The following RUNX2 variants were observed in gnomAD, a reference collection of about 807,000 sequenced individuals.
RUNX2 encodes RUNX family transcription factor 2.
Under a neutral mutation model 51.7 loss-of-function variants are expected in RUNX2, and 10 were observed. The ratio of observed to expected loss-of-function variants is 0.19; its 90% CI spans 0.12 to 0.33. The LOEUF (loss-of-function observed/expected upper bound fraction) is 0.33. Among genes scored for constraint, RUNX2 ranks in the 10% least tolerant of loss-of-function variants. RUNX2 has a pLI of 1.00. For missense variants in RUNX2, 562 were observed against 691.3 expected (o/e 0.81, Z 2.10); for synonymous variants, 276 against 273.6 (o/e 1.01, Z -0.09).
At chr6:45,482,411 G>A (rs1157326785) in intron 5 of RUNX2, among the ~76,000 whole-genome samples, 2 of 152,122 alleles carry the variant, frequency 1.3e-5, no homozygotes, top group Non-Finnish European at 2.9e-5. Flanking sequence ...GTTGTGATTC[G>A]CCACAGCCTA....
intron 2 of RUNX2, among the ~76,000 whole-genome samples, chr6:45,338,808 G>A (rs1020375343): frequency 6.6e-6 from 1 of 151,972 alleles, no homozygotes; most frequent in African/African-American, 2.4e-5. Flanking sequence ...GATGAGACAA[G>A]GGAGGCATCC....
intron 3 of RUNX2, among the ~76,000 whole-genome samples, chr6:45,429,337 T>G (rs528602420): frequency 6.6e-6 from 1 of 152,342 alleles, no homozygotes; most frequent in South Asian, 2.1e-4. Flanking sequence ...AAATACAATA[T>G]GCTGAGTGTA....
In RUNX2 at chr6:45,425,459, T is replaced by C. The variant is rs571154703; in HGVS notation, c.423+2502T>C. 1.1e-4 allele frequency among the ~76,000 whole-genome samples: 16 copies of C among 152,356 alleles called. No homozygotes were observed. In the East Asian group the frequency reaches 3.1e-3, roughly 29 times the overall value. On this transcript the variant is annotated intron_variant, in intron 3 of 8. Coordinates refer to ENST00000647337, the MANE Select transcript of RUNX2 (RefSeq NM_001024630.4). ...TGTATCTTAAGCAGTAAACAGACCG[T>C]AGGTAACAAGACCATATTAAATTGA...
At chr6:45,335,721 A>G (rs1182464192) in intron 2 of RUNX2, among the ~76,000 whole-genome samples, 4 of 151,282 alleles carry the variant, frequency 2.6e-5, no homozygotes, top group Admixed American at 2.0e-4. Context: ...CAATTCAAAA[A>G]TATTAAGACA....
chr6:45,535,587 GA>G (rs1802006213), intron 7 of RUNX2, among the ~76,000 whole-genome samples: 1 of 148,116 alleles, frequency 6.8e-6, no homozygotes, highest in Admixed American at 6.7e-5. Flanking sequence ...CTGGGCAACA[GA>G]GTGAGACTCT....
chr6:45,527,013 G>A (rs1270134706), intron 7 of RUNX2, among the ~76,000 whole-genome samples: 1 of 152,192 alleles, frequency 6.6e-6, no homozygotes, highest in Non-Finnish European at 1.5e-5. Context: ...CTAGGGATAT[G>A]TACTATGAAA....
intron 2 of RUNX2, among the ~76,000 whole-genome samples, chr6:45,334,449 C>CAAAAAAAAAAAA (rs551014969): frequency 5.4e-5 from 5 of 91,748 alleles, no homozygotes; most frequent in Admixed American, 2.3e-4. Context: ...TCAGGAAAAG[C>CAAAAAAAAAAAA]AAAAAAAAAA....
At chr6:45,411,781 T>C (rs551936368) in intron 2 of RUNX2, among the ~76,000 whole-genome samples, 2 of 152,224 alleles carry the variant, frequency 1.3e-5, no homozygotes, top group South Asian at 2.1e-4. Flanking sequence ...ATAATTTCCT[T>C]CAGTAAGGGT....
At chr6:45,334,114 C>A (rs116482918) in intron 2 of RUNX2, among the ~76,000 whole-genome samples, 2,648 of 151,234 alleles carry the variant, frequency 0.018, 50 homozygotes, top group South Asian at 0.085. Flanking sequence ...ATTGCCAATT[C>A]TCTTAATTAT....
At chr6:45,356,879 A>G (rs1370511067) in intron 2 of RUNX2, among the ~76,000 whole-genome samples, 1 of 152,226 alleles carries the variant, frequency 6.6e-6, no homozygotes, top group Non-Finnish European at 1.5e-5. Flanking sequence ...TTCTAAAATT[A>G]CACTCACCTT....
In RUNX2 at chr6:45,472,805, A is replaced by T. The variant is rs984621552; in HGVS notation, c.686-19136A>T. Among the ~76,000 whole-genome samples the T allele has an allele frequency of 5.3e-5, 8 of 152,298 alleles. No homozygotes were observed. In the South Asian group the frequency reaches 6.2e-4, roughly 12 times the overall value. ...ATTTTTTTTGCTTGTTTCTGTATTG[A>T]TTCAAAGAGAGGTGGGTGGGTATTA... On this transcript the variant is annotated intron_variant, in intron 5 of 8. Coordinates refer to ENST00000647337, the MANE Select transcript of RUNX2 (RefSeq NM_001024630.4).
intron 2 of RUNX2, among the ~76,000 whole-genome samples, chr6:45,350,577 G>C (rs541079617): frequency 6.6e-6 from 1 of 152,280 alleles, no homozygotes; most frequent in East Asian, 1.9e-4. Context: ...TAAATGTTGA[G>C]AGTAGAAATG....
chr6:45,467,211 C>G (rs1486466280), intron 5 of RUNX2, among the ~76,000 whole-genome samples: 1 of 152,212 alleles, frequency 6.6e-6, no homozygotes, highest in Admixed American at 6.5e-5. Context: ...TCTTCCATAT[C>G]ATATTCTAAT....
intron 5 of RUNX2, among the ~76,000 whole-genome samples, chr6:45,438,811 C>T (rs116051592): frequency 0.039 from 5,917 of 151,928 alleles, 378 homozygotes; most frequent in African/African-American, 0.13. Flanking sequence ...CTCAGCATAG[C>T]GGTATTTGAA....
chr6:45,444,861 G>A (rs1010290225), intron 5 of RUNX2, among the ~76,000 whole-genome samples: 4 of 152,170 alleles, frequency 2.6e-5, no homozygotes, highest in Non-Finnish European at 5.9e-5. Context: ...GAAGGGTGGA[G>A]AGAATGGAGG....
chr6:45,343,343 G>T (rs1360643701), intron 2 of RUNX2, among the ~76,000 whole-genome samples: 1 of 151,996 alleles, frequency 6.6e-6, no homozygotes, highest in East Asian at 1.9e-4. Flanking sequence ...TCTACTAAAG[G>T]TCCCTAAAGT....
In RUNX2 at chr6:45,396,027, A is replaced by G. The variant is rs181030399; in HGVS notation, c.59-26566A>G. 2.6e-5 allele frequency among the ~76,000 whole-genome samples: 4 copies of G among 152,284 alleles called. No homozygotes were observed. The East Asian group carries it at 7.7e-4, about 29-fold the overall frequency. ...TAAAAGATTATGAAAAGATTTCTTAATTGGGTAATTGCTTTAGAATAAAGA... is the reference window on the plus strand; with the variant it reads ...TAAAAGATTATGAAAAGATTTCTTAGTTGGGTAATTGCTTTAGAATAAAGA... On this transcript the variant is annotated intron_variant, in intron 2 of 8. Transcript: ENST00000647337.
Position 45,428,138 on chromosome 6 carries a change from A to G in RUNX2, c.424-3725A>G, listed in dbSNP as rs1418377229. On this transcript the variant is annotated intron_variant, in intron 3 of 8. Coordinates refer to ENST00000647337, the MANE Select transcript of RUNX2 (RefSeq NM_001024630.4). ...ATTGGGTAGGATGGAAGCAAATTCTAATTTGTGCTTATTCCTAACTAGTTA... is the reference window on the plus strand; with the variant it reads ...ATTGGGTAGGATGGAAGCAAATTCTGATTTGTGCTTATTCCTAACTAGTTA... Among the ~76,000 whole-genome samples the G allele has an allele frequency of 2.0e-5, 3 of 152,146 alleles. No homozygotes were observed. In the East Asian group the frequency reaches 5.8e-4, roughly 29 times the overall value.
At chr6:45,494,681 G>A (rs1800593922) in intron 6 of RUNX2, among the ~76,000 whole-genome samples, 2 of 152,134 alleles carry the variant, frequency 1.3e-5, no homozygotes, top group African/African-American at 4.8e-5. Flanking sequence ...CATAACCAAG[G>A]AGATGCAGTG....
Sources: gnomAD v4.1 joint callset for allele counts (sites outside exome capture counted in the v4.1 genomes callset) on GRCh38, gnomAD v4.1.1 for gene constraint, MANE v1.5 for transcripts, NCBI Gene and HGNC (gene_info 2026-07-23, HGNC 2026-07-21) for gene names.